The following ZNF423 variants were observed in gnomAD, a reference collection of about 807,000 sequenced individuals.
The protein encoded by ZNF423 is zinc finger protein 423.
A neutral mutation model predicts 95.8 loss-of-function variants in ZNF423; 12 were observed. That is an observed-to-expected ratio of 0.13 (90% confidence interval 0.08 to 0.20). The LOEUF is 0.20. ZNF423 is among the 10% of genes least tolerant of loss of function. The probability of loss-of-function intolerance (pLI) is 1.00; values close to 1 mark genes in which losing one functional copy is unlikely to be tolerated. For missense variants in ZNF423, 1,316 were observed against 1,737.1 expected, an observed-to-expected ratio of 0.76 and a Z score of 4.31; for synonymous variants, 749 against 711.9, an observed-to-expected ratio of 1.05 and a Z score of -0.83.
chr16:49,589,063 G>A (rs1970927770), intron 5 of ZNF423, among the ~76,000 whole-genome samples: 2 of 152,166 alleles, frequency 1.3e-5, no homozygotes, highest in Non-Finnish European at 2.9e-5. Context: ...GTCAACAACT[G>A]AAGGGGCCAC....
chr16:49,631,602 T>C (rs1396586204), intron 4 of ZNF423, among the ~76,000 whole-genome samples: 1 of 152,162 alleles, frequency 6.6e-6, no homozygotes, highest in Non-Finnish European at 1.5e-5. Context: ...AACACAGCCC[T>C]GAGCAACTGC....
chr16:49,690,046 C>T (rs1388517069), intron 3 of ZNF423, among the ~76,000 whole-genome samples: 1 of 152,178 alleles, frequency 6.6e-6, no homozygotes, highest in East Asian at 1.9e-4. Context: ...CCTGCACCCC[C>T]AGGGGTGTCC....
At chr16:49,763,824 C>T (rs2033875885) in intron 2 of ZNF423, among the ~76,000 whole-genome samples, 1 of 152,178 alleles carries the variant, frequency 6.6e-6, no homozygotes, top group Non-Finnish European at 1.5e-5. Context: ...TCACCATGAA[C>T]AAACAGAAGA....
At chr16:49,522,442 G>C (rs1968437832) in intron 7 of ZNF423, among the ~76,000 whole-genome samples, 1 of 152,118 alleles carries the variant, frequency 6.6e-6, no homozygotes, top group South Asian at 2.1e-4. Context: ...GTCACTAAGT[G>C]AATATTATGA....
chr16:49,787,074 G>A (rs918182995), intron 2 of ZNF423, among the ~76,000 whole-genome samples: 4 of 152,170 alleles, frequency 2.6e-5, no homozygotes, highest in African/African-American at 7.2e-5. Flanking sequence ...TGCAGGTAGA[G>A]TCTTCACTCA....
At chr16:49,757,209 C>T (rs74018919) in intron 2 of ZNF423, among the ~76,000 whole-genome samples, 1 of 152,182 alleles carries the variant, frequency 6.6e-6, no homozygotes, top group Non-Finnish European at 1.5e-5. Flanking sequence ...ATAAATGAGG[C>T]CAAGAATTTC....
intron 1 of ZNF423, among the ~76,000 whole-genome samples, chr16:49,833,349 G>A (rs759104509): frequency 2.0e-5 from 3 of 152,166 alleles, no homozygotes; most frequent in Non-Finnish European, 4.4e-5. Context: ...CCAGACCCCG[G>A]TATTTATACA....
chr16:49,499,608 A>G (rs1967307395), intron 7 of ZNF423, among the ~76,000 whole-genome samples: 1 of 152,204 alleles, frequency 6.6e-6, no homozygotes, highest in South Asian at 2.1e-4. Flanking sequence ...TGTTCTTGAG[A>G]TGCTCTATGG....
intron 3 of ZNF423, among the ~76,000 whole-genome samples, chr16:49,684,208 G>C (rs1262805213): frequency 6.6e-6 from 1 of 152,220 alleles, no homozygotes; most frequent in Non-Finnish European, 1.5e-5. Flanking sequence ...ATTCTCATGT[G>C]TGCAGACAAA....
At chr16:49,797,717 G>A (rs776609624) in intron 1 of ZNF423, among the ~76,000 whole-genome samples, 26 of 152,184 alleles carry the variant, frequency 1.7e-4, no homozygotes, top group Non-Finnish European at 2.9e-4. Flanking sequence ...TTTAACTCCC[G>A]TGATTCACCC....
intron 5 of ZNF423, among the ~76,000 whole-genome samples, chr16:49,567,999 G>T (rs1473996723): frequency 1.3e-5 from 2 of 152,184 alleles, no homozygotes; most frequent in African/African-American, 4.8e-5. Context: ...CACCATCAGA[G>T]AATAATGGCA....
intron 1 of ZNF423, among the ~76,000 whole-genome samples, chr16:49,824,326 A>G (rs2034982636): frequency 6.6e-6 from 1 of 152,160 alleles, no homozygotes; most frequent in South Asian, 2.1e-4. Flanking sequence ...AGGGACCCTG[A>G]GCCTCACAGA....
At position 49,777,352 on chromosome 16, in the gene ZNF423, T is replaced by C. The variant is rs527583237; in HGVS notation, c.100+12135A>G. Reference sequence around the variant, plus strand: ...GAATGTCCATGTGCATTGTGTGGAGTACATTTGCACTGAGTGAGAGTATGA... The same window carrying C: ...GAATGTCCATGTGCATTGTGTGGAGCACATTTGCACTGAGTGAGAGTATGA... On this transcript the variant is annotated intron_variant, in intron 2 of 7. Transcript: ENST00000563137. Among the ~76,000 whole-genome samples, 3 of 152,276 alleles carry C rather than the reference T, an allele frequency of 2.0e-5. No individual in the cohort carries two copies. In the East Asian group the frequency reaches 5.8e-4, roughly 29 times the overall value.
At chr16:49,577,144 G>T (rs1014422710) in intron 5 of ZNF423, among the ~76,000 whole-genome samples, 5 of 152,154 alleles carry the variant, frequency 3.3e-5, no homozygotes, top group Admixed American at 1.3e-4. Flanking sequence ...CAGCTGGCGT[G>T]GGGGGGTGGG....
chr16:49,823,823 G>T (rs947921545), intron 1 of ZNF423, among the ~76,000 whole-genome samples: 1 of 152,158 alleles, frequency 6.6e-6, no homozygotes, highest in Admixed American at 6.5e-5. Context: ...TAAAGGGGCC[G>T]GGCACAGTGA....
At chr16:49,595,280 T>A (rs547901935) in intron 5 of ZNF423, among the ~76,000 whole-genome samples, 1 of 152,334 alleles carries the variant, frequency 6.6e-6, no homozygotes, top group East Asian at 1.9e-4. Flanking sequence ...AAACCCACAC[T>A]GGGACATTGT....
At chr16:49,497,306 G>A (rs956851279) in intron 7 of ZNF423, among the ~76,000 whole-genome samples, 2 of 152,150 alleles carry the variant, frequency 1.3e-5, no homozygotes, top group Non-Finnish European at 2.9e-5. Context: ...GCCCTGGGCT[G>A]GGCACTGGGC....
At chr16:49,794,676 T>G (rs1401383283) in intron 1 of ZNF423, among the ~76,000 whole-genome samples, 1 of 152,182 alleles carries the variant, frequency 6.6e-6, no homozygotes, top group Non-Finnish European at 1.5e-5. Context: ...CTCCTGCTCG[T>G]GATTCCCAGA....
At chr16:49,550,265 C>T (rs2151751879) in intron 5 of ZNF423, among the ~76,000 whole-genome samples, 1 of 152,358 alleles carries the variant, frequency 6.6e-6, no homozygotes, top group African/African-American at 2.4e-5. Flanking sequence ...TTCATGGAAC[C>T]ACGTGAGAGC....
Sources: gnomAD v4.1 joint callset for allele counts (sites outside exome capture counted in the v4.1 genomes callset) on GRCh38, gnomAD v4.1.1 for gene constraint, MANE v1.5 for transcripts, NCBI Gene and HGNC (gene_info 2026-07-23, HGNC 2026-07-21) for gene names.